Variants in TAC1 observed in about 807,000 individuals in gnomAD.
TAC1 encodes protachykinin-1.
TAC1 carries 12 observed loss-of-function variants against 21.7 expected under a neutral mutation model. The ratio of observed to expected loss-of-function variants is 0.55; its 90% confidence interval spans 0.35 to 0.89. TAC1 has a LOEUF of 0.89. Among genes scored for constraint, TAC1 ranks in the 40% least tolerant of loss-of-function variants. The probability of loss-of-function intolerance (pLI) is 0.01; values close to 1 mark genes in which losing one functional copy is unlikely to be tolerated. For synonymous variants in TAC1, 52 were observed against 52.0 expected (o/e 1.00, Z 0.00); for missense variants, 128 against 151.4 (o/e 0.85, Z 0.81).
chr7:97,733,901 C>A, intron 3 of TAC1, 82 bp downstream of exon 3: 1 of 1,348,522 alleles, frequency 7.4e-7, no homozygotes, highest in South Asian at 1.2e-5. Context: ...CAGGGTCTCT[C>A]GCTCTGAATA....
chr7:97,732,470 T>C lies in TAC1; in HGVS notation c.-9-134T>C. 1.9e-6 allele frequency: 2 copies of C among 1,062,418 alleles called. No homozygotes were observed. The highest frequency in any genetic ancestry group is 1.4e-6 in the Non-Finnish European group (1 of 721,154). The allele number at this position is 1,062,418 out of a possible 1,614,324, so 65.8% of individuals were successfully genotyped here. ...CTCGCCTAACCGGTACAGGTGAGAC[T>C]TCAGTCCTTATGTTTTTGATCTTGG... is the stretch of plus-strand genomic sequence containing the variant. On this transcript the variant is annotated intron_variant, in intron 1 of 6. Coordinates refer to ENST00000319273, the MANE Select transcript of TAC1 (RefSeq NM_003182.3). The surrounding 1 kb of genome is among the most constrained non-coding windows in gnomAD (Gnocchi z 6.2).
At chr7:97,739,391 T>C (rs552330030) in intron 6 of TAC1, among the ~76,000 whole-genome samples, 59 of 152,180 alleles carry the variant, frequency 3.9e-4, no homozygotes, top group African/African-American at 1.4e-3. Context: ...AAAGCAGCCA[T>C]AGACAATATG....
In TAC1 at chr7:97,739,993, T is replaced by C; in HGVS notation, c.*73T>C. ...ATGACAGGTAAATTAAGACATGCAC[T>C]ATGAGGAATAATTATTTATTTAATA... On this transcript the variant is annotated 3_prime_UTR_variant, in exon 7 of 7. Coordinates refer to ENST00000319273, the MANE Select transcript of TAC1 (RefSeq NM_003182.3). 5 of 1,001,830 alleles carry C rather than the reference T, an allele frequency of 5.0e-6. No individual in the cohort carries two copies. Among genetic ancestry groups the C allele is most frequent in the Non-Finnish European group, 7.3e-6 (5 of 684,172 alleles). The allele number at this position is 1,001,830 out of a possible 1,614,324, so 62.1% of individuals were successfully genotyped here. A position where few individuals can be genotyped will look rare whatever the true frequency, so the allele number is the denominator to read the frequency against.
chr7:97,734,871 C>T, intron 5 of TAC1, 22 bp downstream of exon 5: 1 of 1,547,084 alleles, frequency 6.5e-7, no homozygotes, highest in Non-Finnish European at 8.9e-7. Flanking sequence ...ATTATTTTGA[C>T]ATTTATCAAA....
chr7:97,733,596 C>T, intron 2 of TAC1, 127 bp from the exon 3 acceptor site: 3 of 828,598 alleles, frequency 3.6e-6, no homozygotes, highest in Non-Finnish European at 5.8e-6. Flanking sequence ...CCCCGCTCAG[C>T]CCGAGCGTGG....
At chr7:97,735,068 A>T (rs902075548) in intron 5 of TAC1, among the ~76,000 whole-genome samples, 6 of 152,138 alleles carry the variant, frequency 3.9e-5, no homozygotes, top group African/African-American at 1.2e-4. Flanking sequence ...AAAGAAAAAA[A>T]TGTCTTTTAA....
chr7:97,736,263 A>G (rs754740388), intron 5 of TAC1, 36 bp from the exon 6 acceptor site: 2 of 1,561,000 alleles, frequency 1.3e-6, no homozygotes, highest in Middle Eastern at 1.7e-4. Flanking sequence ...CCTCAAAGAT[A>G]TACATATTAA....
chr7:97,734,088 C>G lies in TAC1; in HGVS notation c.221-160C>G, dbSNP rs535440977. 448 of 737,630 alleles carry G rather than the reference C, an allele frequency of 6.1e-4. 1 individual carries two copies. The highest frequency in any genetic ancestry group is 2.9e-4 in the Non-Finnish European group (128 of 448,010). 45.7% of individuals were successfully genotyped at this position (737,630 alleles called of 1,614,324 possible). ...ACTGACAAAGGGAAGGCACGGGCCT[C>G]CAGGGGTAGTACTGCGGATGATCCA... On this transcript the variant is annotated intron_variant, in intron 3 of 6. Transcript: ENST00000319273.
chr7:97,734,146 C>CT, intron 3 of TAC1, 102 bp from the exon 4 acceptor site: 1 of 1,170,252 alleles, frequency 8.5e-7, no homozygotes, highest in Non-Finnish European at 1.3e-6. Context: ...ATAGCATTCC[C>CT]TGAGGTGAGA....
intron 5 of TAC1, 90 bp downstream of exon 5, chr7:97,734,939 T>C: frequency 9.7e-7 from 1 of 1,036,154 alleles, no homozygotes; most frequent in Non-Finnish European, 1.5e-6. Context: ...TTTTCTGTCA[T>C]GACTCTAGGG....
intron 3 of TAC1, 148 bp downstream of exon 3, chr7:97,733,967 G>T: frequency 3.7e-6 from 3 of 817,672 alleles, no homozygotes; most frequent in Non-Finnish European, 3.9e-6. Context: ...GGCCCACACC[G>T]CACTAAGGCA....
chr7:97,737,147 C>T (rs1275701017), intron 6 of TAC1, among the ~76,000 whole-genome samples: 4 of 151,950 alleles, frequency 2.6e-5, no homozygotes, highest in Non-Finnish European at 1.5e-5. Flanking sequence ...TAAATAACCC[C>T]TAGATCATTT....
intron 5 of TAC1, among the ~76,000 whole-genome samples, chr7:97,735,657 A>G (rs1430601500): frequency 6.6e-6 from 1 of 150,812 alleles, no homozygotes; most frequent in Non-Finnish European, 1.5e-5. Context: ...TAGCATTAAA[A>G]TAGTAACCTT....
chr7:97,735,080 T>G (rs1584417119), intron 5 of TAC1, among the ~76,000 whole-genome samples: 2 of 152,106 alleles, frequency 1.3e-5, no homozygotes, highest in Admixed American at 6.5e-5. Flanking sequence ...GTCTTTTAAG[T>G]CCCTTCAATT....
chr7:97,737,915 A>G (rs11974592), intron 6 of TAC1, among the ~76,000 whole-genome samples: 8,896 of 152,070 alleles, frequency 0.058, 799 homozygotes, highest in African/African-American at 0.19. Flanking sequence ...TTAGTCATCA[A>G]CTTTCCATTT....
chr7:97,739,119 A>G (rs1789643393), intron 6 of TAC1, among the ~76,000 whole-genome samples: 1 of 149,980 alleles, frequency 6.7e-6, no homozygotes, highest in Non-Finnish European at 1.5e-5. Context: ...TTCACAGGCC[A>G]TTAAGGTGCT....
intron 5 of TAC1, among the ~76,000 whole-genome samples, chr7:97,735,775 C>T (rs918967153): frequency 2.0e-5 from 3 of 152,068 alleles, no homozygotes; most frequent in African/African-American, 4.8e-5. Flanking sequence ...AAAATGTACT[C>T]TGTTCATGTG....
intron 6 of TAC1, among the ~76,000 whole-genome samples, chr7:97,738,786 A>G (rs1160969992): frequency 7.9e-5 from 12 of 151,888 alleles, no homozygotes; most frequent in African/African-American, 2.9e-4. Context: ...ATTCCTACAG[A>G]TCCTTCACAG....
chr7:97,737,080 C>T (rs796104478), intron 6 of TAC1, among the ~76,000 whole-genome samples: 7 of 152,026 alleles, frequency 4.6e-5, no homozygotes, highest in African/African-American at 1.2e-4. Context: ...GTAAATACCA[C>T]GTACATATAT....
Sources: gnomAD v4.1 joint callset for allele counts (sites outside exome capture counted in the v4.1 genomes callset) on GRCh38, gnomAD v4.1.1 for gene constraint, Gnocchi (gnomAD v3.1) non-coding constraint, MANE v1.5 for transcripts, NCBI Gene and HGNC (gene_info 2026-07-23, HGNC 2026-07-21) for gene names.